Variants in CDKAL1 observed in about 807,000 individuals in gnomAD.
The protein encoded by CDKAL1 is threonylcarbamoyladenosine tRNA methylthiotransferase.
Under a neutral mutation model 68.2 loss-of-function variants are expected in CDKAL1, and 32 were observed. The ratio of observed to expected loss-of-function variants is 0.47; its 90% confidence interval spans 0.35 to 0.63. CDKAL1 has a LOEUF of 0.63. Among genes scored for constraint, CDKAL1 ranks in the 30% least tolerant of loss-of-function variants. The pLI is 0.00. For missense variants in CDKAL1, 606 were observed against 696.7 expected, an observed-to-expected ratio of 0.87 and a Z score of 1.47; for synonymous variants, 234 against 244.3, an observed-to-expected ratio of 0.96 and a Z score of 0.39.
intron 9 of CDKAL1, among the ~76,000 whole-genome samples, chr6:20,855,307 G>C (rs910654722): frequency 2.8e-4 from 43 of 151,814 alleles, no homozygotes; most frequent in African/African-American, 9.9e-4. Context: ...GCCAGGCGTG[G>C]TGGTGCATGC....
At chr6:21,195,255 C>T (rs1251672928) in intron 13 of CDKAL1, among the ~76,000 whole-genome samples, 1 of 151,938 alleles carries the variant, frequency 6.6e-6, no homozygotes, top group East Asian at 1.9e-4. Flanking sequence ...ATCTGCCTCC[C>T]AGGTTCAAGC....
chr6:20,702,910 C>T (rs1041564471), intron 5 of CDKAL1, among the ~76,000 whole-genome samples: 3 of 152,180 alleles, frequency 2.0e-5, no homozygotes, highest in Admixed American at 6.5e-5. Flanking sequence ...GAAGGGACCA[C>T]GCTCTTCCCT....
chr6:21,074,495 A>G (rs1771960467), intron 12 of CDKAL1, among the ~76,000 whole-genome samples: 1 of 152,020 alleles, frequency 6.6e-6, no homozygotes, highest in South Asian at 2.1e-4. Context: ...AATCCACGAG[A>G]CTCTTCTACA....
In CDKAL1 at chr6:20,704,167, T is replaced by C. The variant is rs562304304; in HGVS notation, c.372-35352T>C. 7.9e-5 allele frequency among the ~76,000 whole-genome samples: 12 copies of C among 152,010 alleles called. No individual in the cohort carries two copies. The East Asian group carries it at 2.1e-3, about 27-fold the overall frequency. On this transcript the variant is annotated intron_variant, in intron 5 of 15. Coordinates refer to ENST00000274695, the MANE Select transcript of CDKAL1 (RefSeq NM_017774.3). Reference sequence around the variant, plus strand: ...GAGAAACAAACAAACATTCCTTGACTCAATTTTTTTATCAAATTACACCAA... The same window carrying C: ...GAGAAACAAACAAACATTCCTTGACCCAATTTTTTTATCAAATTACACCAA...
chr6:21,065,330 A>C, intron 12 of CDKAL1, 102 bp downstream of exon 12: 1 of 884,548 alleles, frequency 1.1e-6, no homozygotes, highest in Non-Finnish European at 1.7e-6. Context: ...TAACCCTTAA[A>C]TTACAAAATA....
chr6:20,888,393 A>T, intron 9 of CDKAL1, among the ~76,000 whole-genome samples: 1 of 144,338 alleles, frequency 6.9e-6, no homozygotes, highest in Non-Finnish European at 1.5e-5. Flanking sequence ...ATTATACTTT[A>T]AGTTTTAGGG....
intron 9 of CDKAL1, among the ~76,000 whole-genome samples, chr6:20,913,913 C>T (rs1334177950): frequency 2.0e-5 from 3 of 152,188 alleles, no homozygotes; most frequent in Non-Finnish European, 4.4e-5. Flanking sequence ...ATTGCTTGAG[C>T]CCAGGAGTTT....
intron 4 of CDKAL1, among the ~76,000 whole-genome samples, chr6:20,555,812 CG>C (rs1581719072): frequency 6.6e-6 from 1 of 151,648 alleles, no homozygotes; most frequent in East Asian, 2.0e-4. Context: ...TTAGTAGAGA[CG>C]GGGTTTCACT....
chr6:21,188,560 A>G (rs1778108164), intron 13 of CDKAL1, among the ~76,000 whole-genome samples: 1 of 152,214 alleles, frequency 6.6e-6, no homozygotes, highest in Admixed American at 6.5e-5. Context: ...AAAGTTCTAC[A>G]CTTATATCCA....
chr6:20,783,441 C>G (rs1775519882), intron 8 of CDKAL1, among the ~76,000 whole-genome samples: 2 of 152,132 alleles, frequency 1.3e-5, no homozygotes. Context: ...CATTTTGTCA[C>G]TCCCTACTTC....
intron 11 of CDKAL1, among the ~76,000 whole-genome samples, chr6:21,041,575 T>A (rs1328916811): frequency 7.3e-6 from 1 of 136,772 alleles, no homozygotes; most frequent in Non-Finnish European, 1.6e-5. Context: ...TATCTTAGAT[T>A]TTTTTTTTCA....
intron 8 of CDKAL1, among the ~76,000 whole-genome samples, chr6:20,823,583 G>C (rs533440286): frequency 4.6e-5 from 7 of 152,278 alleles, no homozygotes; most frequent in Non-Finnish European, 1.0e-4. Context: ...AAGCAAATCT[G>C]ACTGATTTTC....
At chr6:20,825,857 C>A (rs1777482298) in intron 8 of CDKAL1, among the ~76,000 whole-genome samples, 1 of 152,078 alleles carries the variant, frequency 6.6e-6, no homozygotes, top group South Asian at 2.1e-4. Flanking sequence ...GTCCCCAAGA[C>A]CCCTGTAGTC....
At chr6:20,808,387 A>G (rs1776658994) in intron 8 of CDKAL1, among the ~76,000 whole-genome samples, 1 of 152,148 alleles carries the variant, frequency 6.6e-6, no homozygotes, top group Admixed American at 6.5e-5. Context: ...CTTTTGGCCT[A>G]GGAAGTCTGG....
chr6:21,139,564 G>A (rs922997864), intron 13 of CDKAL1, among the ~76,000 whole-genome samples: 1 of 152,062 alleles, frequency 6.6e-6, no homozygotes, highest in Non-Finnish European at 1.5e-5. Context: ...AGGCTGGAGT[G>A]CAGTAGTGTG....
At chr6:21,182,419 A>G (rs1777828651) in intron 13 of CDKAL1, among the ~76,000 whole-genome samples, 2 of 152,166 alleles carry the variant, frequency 1.3e-5, no homozygotes, top group South Asian at 4.1e-4. Context: ...AATGAACAAA[A>G]TCTCTACTCG....
intron 10 of CDKAL1, among the ~76,000 whole-genome samples, chr6:20,966,532 G>T (rs1561922568): frequency 6.6e-6 from 1 of 152,136 alleles, no homozygotes; most frequent in Non-Finnish European, 1.5e-5. Context: ...CAAACTGATT[G>T]TTTAGCATAA....
intron 11 of CDKAL1, among the ~76,000 whole-genome samples, chr6:21,031,204 C>A: frequency 6.6e-6 from 1 of 150,642 alleles, no homozygotes; most frequent in East Asian, 2.0e-4. Context: ...TTCCTGCTAG[C>A]TGCTGGCTGG....
chr6:20,551,630 C>T (rs1231893429), intron 4 of CDKAL1, among the ~76,000 whole-genome samples: 1 of 151,844 alleles, frequency 6.6e-6, no homozygotes, highest in African/African-American at 2.4e-5. Flanking sequence ...TCGGCCTCCC[C>T]AAGTGCTAGG....
Sources: gnomAD v4.1 joint callset for allele counts (sites outside exome capture counted in the v4.1 genomes callset) on GRCh38, gnomAD v4.1.1 for gene constraint, MANE v1.5 for transcripts, NCBI Gene and HGNC (gene_info 2026-07-23, HGNC 2026-07-21) for gene names.